The following PAPPA variants were observed in gnomAD, a reference collection of about 807,000 sequenced individuals.
The protein encoded by PAPPA is pappalysin 1, also known as pappalysin-1.
In PAPPA, 60 loss-of-function variants were observed where a neutral mutation model predicts 164.0. The observed-to-expected ratio is 0.37, with a 90% CI of 0.30 to 0.45. The LOEUF (loss-of-function observed/expected upper bound fraction) is 0.45, where lower values mean the gene tolerates loss of function less well. PAPPA is among the 20% of genes least tolerant of loss of function. The pLI, the probability that PAPPA is intolerant of heterozygous loss-of-function variation, is 1.00. For missense variants in PAPPA, 1,782 were observed against 2,087.3 expected, an observed-to-expected ratio of 0.85 and a Z score of 2.85; for synonymous variants, 875 against 814.1, an observed-to-expected ratio of 1.07 and a Z score of -1.27.
chr9:116,394,490 T>C (rs1243262313), intron 21 of PAPPA, among the ~76,000 whole-genome samples: 1 of 152,190 alleles, frequency 6.6e-6, no homozygotes, highest in East Asian at 1.9e-4. Flanking sequence ...GCTTTCATGA[T>C]AGTACTTTCC....
chr9:116,216,371 T>C (rs1432307086), intron 4 of PAPPA, among the ~76,000 whole-genome samples: 1 of 152,220 alleles, frequency 6.6e-6, no homozygotes, highest in Non-Finnish European at 1.5e-5. Context: ...AGTGTGCCCT[T>C]TCAGCCACAG....
intron 15 of PAPPA, among the ~76,000 whole-genome samples, chr9:116,351,987 G>A (rs1031671553): frequency 6.6e-6 from 1 of 152,178 alleles, no homozygotes; most frequent in Non-Finnish European, 1.5e-5. Flanking sequence ...GATAATATAT[G>A]AGCTGGCAGT....
At chr9:116,259,314 A>T (rs1844973714) in intron 7 of PAPPA, among the ~76,000 whole-genome samples, 1 of 152,028 alleles carries the variant, frequency 6.6e-6, no homozygotes, top group Non-Finnish European at 1.5e-5. Context: ...ATCATGAAGG[A>T]TACAAAATTC....
chr9:116,377,656 C>A lies in PAPPA; in HGVS notation c.4677+9C>A. 1 of 1,598,906 alleles carries A rather than the reference C, an allele frequency of 6.3e-7. No homozygotes were observed. Among genetic ancestry groups the A allele is most frequent in the Non-Finnish European group, 8.6e-7 (1 of 1,166,106 alleles). On this transcript the variant is annotated intron_variant, in intron 20 of 21. Transcript: ENST00000328252. ...GTGTCAAAGGCTGTGAGGTGAGTCACAAGGAAGGCACTCCTCAGTTCCCTG... is the reference window on the plus strand; with the variant it reads ...GTGTCAAAGGCTGTGAGGTGAGTCAAAAGGAAGGCACTCCTCAGTTCCCTG...
chr9:116,347,301 A>G lies in PAPPA; in HGVS notation c.3964+92A>G. 1 of 1,135,604 alleles carries G rather than the reference A, an allele frequency of 8.8e-7. No individual in the cohort carries two copies. Among genetic ancestry groups the G allele is most frequent in the South Asian group, 1.6e-5 (1 of 63,058 alleles). The allele number at this position is 1,135,604 out of a possible 1,614,324, so 70.3% of individuals were successfully genotyped here. A position where few individuals can be genotyped will look rare whatever the true frequency, so the allele number is the denominator to read the frequency against. The stretch of plus-strand genomic sequence containing the variant: ...GCCCTCTTTCTGGGTCTCAAACACC[A>G]AGGGTGGGATGGGTTTTATCTATGC... On this transcript the variant is annotated intron_variant, in intron 15 of 21. Transcript: ENST00000328252. This position sits in a 1 kb window ranked among gnomAD's most constrained non-coding sequence, Gnocchi z 4.5.
chr9:116,255,627 C>G (rs1461891014), intron 7 of PAPPA, among the ~76,000 whole-genome samples: 1 of 151,898 alleles, frequency 6.6e-6, no homozygotes, highest in Non-Finnish European at 1.5e-5. Flanking sequence ...GGAGAGCCAT[C>G]AGTTTTGGCA....
chr9:116,289,346 G>GCTATATATATGCCATATATATA (rs1564212401), intron 9 of PAPPA, among the ~76,000 whole-genome samples: 1 of 104,820 alleles, frequency 9.5e-6, no homozygotes, highest in Non-Finnish European at 2.0e-5. Flanking sequence ...GCATATATAT[G>GCTATATATATGCCATATATATA]GCATATATAT....
intron 7 of PAPPA, among the ~76,000 whole-genome samples, chr9:116,249,892 G>C (rs546468481): frequency 6.6e-6 from 1 of 152,280 alleles, no homozygotes; most frequent in East Asian, 1.9e-4. Context: ...ATACAGGGCA[G>C]TTCACCTTCA....
At chr9:116,266,683 G>T in intron 8 of PAPPA, among the ~76,000 whole-genome samples, 1 of 151,978 alleles carries the variant, frequency 6.6e-6, no homozygotes, top group East Asian at 1.9e-4. Flanking sequence ...GGCAAACAGG[G>T]GTGAGGAGCC....
chr9:116,211,682 C>T lies in PAPPA; in HGVS notation c.1668C>T (p.His556=). The T allele has an allele frequency of 6.2e-7, 1 of 1,614,118 alleles. No homozygotes were observed. The highest frequency in any genetic ancestry group is 1.7e-5 in the Admixed American group (1 of 60,014). The part of the protein sequence containing the change: ...LNPSFYGMPG[H]THTMIHEIGH... ...CATCTTTCTATGGCATGCCTGGGCA[C>T]ACCCACACCATGATCCATGAGATTG... The change falls in exon 4 of 22, where the codon CAC becomes CAT. Residue 556 remains histidine, a synonymous_variant. Transcript: ENST00000328252.
chr9:116,201,706 A>G (rs1295096805), intron 2 of PAPPA, among the ~76,000 whole-genome samples: 1 of 152,202 alleles, frequency 6.6e-6, no homozygotes, highest in Non-Finnish European at 1.5e-5. Flanking sequence ...GGAAATTGAG[A>G]TACCAAGTGA....
chr9:116,169,176 A>G (rs1200834007), intron 1 of PAPPA, among the ~76,000 whole-genome samples: 1 of 151,938 alleles, frequency 6.6e-6, no homozygotes, highest in Admixed American at 6.6e-5. Flanking sequence ...CTAACCAGTT[A>G]CCTATTGAAA....
Position 116,289,288 on chromosome 9 carries a change from AATAGCATATAT to A in PAPPA, c.2954-13455_2954-13445del, listed in dbSNP as rs1478331346. ...ATATATAGCATATATATAGCATATA[AATAGCATATAT>A]ATAGCATATATATGGCATATATATG... On this transcript the variant is annotated intron_variant, in intron 9 of 21. Coordinates refer to ENST00000328252, the MANE Select transcript of PAPPA (RefSeq NM_002581.5). Among the ~76,000 whole-genome samples the A allele has an allele frequency of 3.1e-4, 8 of 25,636 alleles. 2 individuals are homozygous for A. The highest frequency in any genetic ancestry group is 3.7e-4 in the Non-Finnish European group (4 of 10,726). The allele number at this position is 25,636 out of a possible 152,430, so 16.8% of individuals were successfully genotyped here.
At chr9:116,209,740 G>A (rs1844283667) in intron 3 of PAPPA, among the ~76,000 whole-genome samples, 1 of 152,172 alleles carries the variant, frequency 6.6e-6, no homozygotes, top group African/African-American at 2.4e-5. Flanking sequence ...CATCATCCCT[G>A]GAATGGTCCT....
intron 10 of PAPPA, among the ~76,000 whole-genome samples, chr9:116,313,044 C>A (rs1845741425): frequency 6.9e-6 from 1 of 145,064 alleles, no homozygotes; most frequent in South Asian, 2.2e-4. Flanking sequence ...GATTGGGCCA[C>A]TGCACACCAG....
chr9:116,362,759 G>C lies in PAPPA; in HGVS notation c.4495+20G>C. ...CCATAGGTATGATGGGCCCGAGAGG[G>C]GAGCAGTAGGAGGGGCAATTCCTTC... On this transcript the variant is annotated intron_variant, in intron 18 of 21. Coordinates refer to ENST00000328252, the MANE Select transcript of PAPPA (RefSeq NM_002581.5). 1 of 1,605,022 alleles carries C rather than the reference G, an allele frequency of 6.2e-7. No homozygotes were observed. The highest frequency in any genetic ancestry group is 8.5e-7 in the Non-Finnish European group (1 of 1,174,926).
At position 116,211,797 on chromosome 9, in the gene PAPPA, G is replaced by C. The variant is rs534133186; in HGVS notation, c.1783G>C (p.Glu595Gln). Reference sequence around the variant, plus strand: ...CTGCATGGAGACAGAGCCCTCCTTCGAGACTGGAGACCTCTGCAATGATAC... The same window carrying C: ...CTGCATGGAGACAGAGCCCTCCTTCCAGACTGGAGACCTCTGCAATGATAC... The part of the protein sequence containing the change: ...DPCMETEPSF[E>Q]TGDLCNDTNP... Residue 595 changes from glutamate (E) to glutamine (Q), a missense_variant, in exon 4 of 22, where the codon GAG (glutamate) becomes CAG (glutamine). By Grantham distance (29) the Glu-to-Gln change is conservative. Coordinates refer to ENST00000328252, the MANE Select transcript of PAPPA (RefSeq NM_002581.5). The C allele has an allele frequency of 3.0e-5, 49 of 1,614,106 alleles. No individual in the cohort carries two copies. The African/African-American group carries it at 5.2e-4, about 17-fold the overall frequency.
At chr9:116,379,579 C>CCAT (rs1399041918) in intron 20 of PAPPA, among the ~76,000 whole-genome samples, 1 of 151,786 alleles carries the variant, frequency 6.6e-6, no homozygotes, top group African/African-American at 2.4e-5. Flanking sequence ...ATCCATCCAT[C>CCAT]CATCGTTTTA....
At position 116,184,495 on chromosome 9, in the gene PAPPA, C is replaced by T. The variant is rs113194760; in HGVS notation, c.416-2659C>T. On this transcript the variant is annotated intron_variant, in intron 1 of 21. Coordinates refer to ENST00000328252, the MANE Select transcript of PAPPA (RefSeq NM_002581.5). The stretch of plus-strand genomic sequence containing the variant: ...TCATTTCCTCCCTCCTTTTCATCCT[C>T]TACATCACCCCTGAACCCTCCAGCA... Among the ~76,000 whole-genome samples the T allele has an allele frequency of 2.7e-3, 416 of 152,276 alleles. 2 individuals are homozygous for T. Among genetic ancestry groups the T allele is most frequent in the African/African-American group, 9.8e-3 (408 of 41,550 alleles).
Sources: allele counts gnomAD v4.1 joint callset (sites outside exome capture counted in the v4.1 genomes callset), GRCh38; gene constraint gnomAD v4.1.1; non-coding constraint Gnocchi (gnomAD v3.1); transcripts MANE v1.5; gene names NCBI Gene and HGNC (gene_info 2026-07-23, HGNC 2026-07-21).